ART1: variants seen among roughly 807,000 people sequenced by gnomAD.
ART1 encodes the protein GPI-linked NAD(P)(+)--arginine ADP-ribosyltransferase 1.
Under a neutral mutation model 27.0 loss-of-function variants are expected in ART1, and 29 were observed. The observed-to-expected ratio is 1.08, with a 90% CI of 0.80 to 1.47. The LOEUF (loss-of-function observed/expected upper bound fraction) is 1.47, where lower values mean the gene tolerates loss of function less well. ART1 is among the 40% of genes most tolerant of loss of function. The pLI is 0.00. For synonymous variants in ART1, 201 were observed against 172.2 expected (o/e 1.17, Z -1.31); for missense variants, 480 against 423.0 (o/e 1.13, Z -1.18).
At chr11:3,649,289 C>A (rs1199549938) in intron 1 of ART1, among the ~76,000 whole-genome samples, 1 of 152,158 alleles carries the variant, frequency 6.6e-6, no homozygotes, top group Non-Finnish European at 1.5e-5. Flanking sequence ...TGCTTGACCC[C>A]AATACAAACT....
chr11:3,649,186 T>C (rs923709699), intron 1 of ART1, among the ~76,000 whole-genome samples: 2 of 152,142 alleles, frequency 1.3e-5, no homozygotes, highest in African/African-American at 2.4e-5. Flanking sequence ...CCTCCGTTCC[T>C]CCGTCTCCCT....
chr11:3,662,556 A>C (rs2133966716), intron 4 of ART1, among the ~76,000 whole-genome samples: 1 of 152,260 alleles, frequency 6.6e-6, no homozygotes, highest in African/African-American at 2.4e-5. Flanking sequence ...ACAAAGGGGC[A>C]AAGAGAGGCC....
intron 4 of ART1, among the ~76,000 whole-genome samples, chr11:3,661,749 C>T (rs1364609999): frequency 3.9e-5 from 6 of 152,088 alleles, no homozygotes; most frequent in African/African-American, 9.7e-5. Flanking sequence ...CCATCCACCT[C>T]GGCCTCCCAA....
chr11:3,651,068 G>T (rs989934831), intron 1 of ART1, among the ~76,000 whole-genome samples: 3 of 152,112 alleles, frequency 2.0e-5, no homozygotes, highest in Admixed American at 6.5e-5. Context: ...TTACAGGTTA[G>T]TTCAGAATCC....
At chr11:3,648,485 A>C (rs771780590) in intron 1 of ART1, among the ~76,000 whole-genome samples, 3 of 151,036 alleles carry the variant, frequency 2.0e-5, no homozygotes, top group Admixed American at 6.6e-5. Flanking sequence ...CACTTCTCCA[A>C]CCTCCCTCAC....
chr11:3,658,504 T>C (rs923018717), intron 1 of ART1, among the ~76,000 whole-genome samples: 2 of 152,104 alleles, frequency 1.3e-5, no homozygotes, highest in African/African-American at 4.8e-5. Flanking sequence ...GGGAAACTGG[T>C]ATCCTCTGTC....
intron 1 of ART1, among the ~76,000 whole-genome samples, chr11:3,648,752 C>A (rs1460522448): frequency 6.6e-6 from 1 of 152,104 alleles, no homozygotes; most frequent in Non-Finnish European, 1.5e-5. Flanking sequence ...TGGTCCTTCA[C>A]CCTTAGCGGC....
chr11:3,661,478 C>T, intron 4 of ART1, 65 bp downstream of exon 4: 2 of 1,045,872 alleles, frequency 1.9e-6, no homozygotes, highest in South Asian at 3.0e-5. Flanking sequence ...GGGTTGGCCC[C>T]ATCACCTCGA....
chr11:3,654,947 A>T, intron 1 of ART1, among the ~76,000 whole-genome samples: 1 of 152,374 alleles, frequency 6.6e-6, no homozygotes, highest in Admixed American at 6.5e-5. Context: ...TGGAGACACA[A>T]TGAGAGATAC....
rs200800426 is a variant in ART1 at position 3,660,252 on chromosome 11, C to T, written c.733C>T (p.Pro245Ser). 132 of 1,613,370 alleles carry T rather than the reference C, an allele frequency of 8.2e-5. No individual in the cohort carries two copies. Among genetic ancestry groups the T allele is most frequent in the Non-Finnish European group, 9.7e-5 (115 of 1,180,054 alleles). Reference sequence around the variant, plus strand: ...TGGAGAGGAAGAGGTGCTGATCCCCCCCTTTGAGACCTTCCAAGTGATCAA... The same window carrying T: ...TGGAGAGGAAGAGGTGCTGATCCCCTCCTTTGAGACCTTCCAAGTGATCAA... The part of the protein sequence containing the change: ...FPGEEEVLIP[P>S]FETFQVINAS... Residue 245 changes from proline (P) to serine (S), a missense_variant, in exon 3 of 5, where the codon CCC becomes TCC. Physicochemically the swap from Pro to Ser is moderately conservative, Grantham distance 74. Transcript: ENST00000250693.
At chr11:3,646,496 C>G (rs752130214) in intron 1 of ART1, among the ~76,000 whole-genome samples, 11 of 152,102 alleles carry the variant, frequency 7.2e-5, no homozygotes, top group Non-Finnish European at 1.0e-4. Flanking sequence ...CAGGAGCCAC[C>G]CTGAGCTAGA....
intron 1 of ART1, among the ~76,000 whole-genome samples, chr11:3,653,235 C>G (rs1324987954): frequency 6.7e-6 from 1 of 148,618 alleles, no homozygotes; most frequent in African/African-American, 2.6e-5. Flanking sequence ...GAATGTCAGG[C>G]CTCTGAGCCG....
At chr11:3,660,497 C>A in intron 3 of ART1, 134 bp downstream of exon 3, 1 of 1,041,226 alleles carries the variant, frequency 9.6e-7, no homozygotes, top group Non-Finnish European at 1.4e-6. Flanking sequence ...CACCAGCTCC[C>A]AACCCCTTCC....
intron 1 of ART1, among the ~76,000 whole-genome samples, chr11:3,646,443 AATG>A (rs1347954891): frequency 6.6e-6 from 1 of 152,172 alleles, no homozygotes; most frequent in Non-Finnish European, 1.5e-5. Context: ...CTGGGTGAAT[AATG>A]GGGATGGTTT....
chr11:3,645,920 G>A lies in ART1; in HGVS notation c.-53+741G>A, dbSNP rs532100627. Among the ~76,000 whole-genome samples, 151 of 152,238 alleles carry A rather than the reference G, an allele frequency of 9.9e-4. 1 individual carries two copies. Among genetic ancestry groups the A allele is most frequent in the Admixed American group, 9.7e-3 (148 of 15,288 alleles). ...GCAGAGCCACAGGGAGGGTAACCAC[G>A]GAGCCGCACCTGCGACGTTGTTCTG... On this transcript the variant is annotated intron_variant, in intron 1 of 4. Coordinates refer to ENST00000250693, the MANE Select transcript of ART1 (RefSeq NM_004314.3).
chr11:3,649,354 A>G (rs934787574), intron 1 of ART1, among the ~76,000 whole-genome samples: 3 of 152,198 alleles, frequency 2.0e-5, no homozygotes, highest in Admixed American at 6.5e-5. Context: ...CCATCCTGCA[A>G]GATCTAAATA....
At chr11:3,656,593 G>A (rs961227867) in intron 1 of ART1, among the ~76,000 whole-genome samples, 8 of 151,968 alleles carry the variant, frequency 5.3e-5, no homozygotes, top group Non-Finnish European at 1.0e-4. Flanking sequence ...CGTTGGCCAG[G>A]CTGGTCTTGA....
chr11:3,651,257 C>A (rs1020076358), intron 1 of ART1, among the ~76,000 whole-genome samples: 8 of 148,318 alleles, frequency 5.4e-5, no homozygotes, highest in East Asian at 3.9e-4. Context: ...TTAGACTGAC[C>A]CTGACACCCA....
At chr11:3,660,405 A>G (rs754379630) in intron 3 of ART1, 42 bp downstream of exon 3, 5 of 1,561,890 alleles carry the variant, frequency 3.2e-6, no homozygotes, top group Non-Finnish European at 4.3e-6. Flanking sequence ...CGGAAGGTGG[A>G]CCTTCCACAT....
Sources: gnomAD v4.1 joint callset for allele counts (sites outside exome capture counted in the v4.1 genomes callset) on GRCh38, gnomAD v4.1.1 for gene constraint, MANE v1.5 for transcripts, NCBI Gene and HGNC (gene_info 2026-07-23, HGNC 2026-07-21) for gene names.